ZFPM2: variants seen among roughly 807,000 people sequenced by gnomAD.
The protein encoded by ZFPM2 is zinc finger protein ZFPM2.
In ZFPM2, 20 loss-of-function variants were observed where a neutral mutation model predicts 98.6. The observed-to-expected ratio is 0.20, with a 90% CI of 0.14 to 0.29. ZFPM2 has a LOEUF of 0.29. Among genes scored for constraint, ZFPM2 ranks in the 10% least tolerant of loss-of-function variants. The pLI is 1.00. For synonymous variants in ZFPM2, 518 were observed against 502.7 expected (o/e 1.03, Z -0.41); for missense variants, 1,310 against 1,388.6 (o/e 0.94, Z 0.90).
intron 5 of ZFPM2, among the ~76,000 whole-genome samples, chr8:105,722,742 C>T (rs1017468469): frequency 8.6e-5 from 13 of 151,690 alleles, no homozygotes; most frequent in African/African-American, 2.4e-5. Flanking sequence ...CTTGCTGTCT[C>T]AGAGGTGGCA....
chr8:105,444,483 T>C, intron 3 of ZFPM2, 102 bp downstream of exon 3: 1 of 744,514 alleles, frequency 1.3e-6, no homozygotes, highest in Non-Finnish European at 2.2e-6. Context: ...AATGTTTTTG[T>C]GTGTGCTGGT....
At chr8:105,661,197 T>C (rs1347628093) in intron 5 of ZFPM2, among the ~76,000 whole-genome samples, 16 of 152,236 alleles carry the variant, frequency 1.1e-4, no homozygotes. Context: ...CCCAATTACA[T>C]GAGTTAAGAG....
Position 105,519,454 on chromosome 8 carries a change from G to GA in ZFPM2, c.302-41900dup, listed in dbSNP as rs202005352. ...GAAATGATCTCGTACCTGGGAAAAA[G>GA]AAAAAAAAATTGAGATAATCCTACA... On this transcript the variant is annotated intron_variant, in intron 3 of 7. Coordinates refer to ENST00000407775, the MANE Select transcript of ZFPM2 (RefSeq NM_012082.4). Among the ~76,000 whole-genome samples the GA allele has an allele frequency of 5.7e-3, 865 of 150,998 alleles. 2 individuals carry two copies. Among genetic ancestry groups the GA allele is most frequent in the African/African-American group, 0.012 (492 of 41,228 alleles).
chr8:105,470,937 T>C (rs1812890862), intron 3 of ZFPM2, among the ~76,000 whole-genome samples: 1 of 152,240 alleles, frequency 6.6e-6, no homozygotes, highest in African/African-American at 2.4e-5. Context: ...TTACTATTAA[T>C]ATTTCATATA....
Position 105,576,274 on chromosome 8 carries a change from AT to A in ZFPM2, c.420+14803del, listed in dbSNP as rs540354204. Among the ~76,000 whole-genome samples, 575 of 150,688 alleles carry A rather than the reference AT, an allele frequency of 3.8e-3. 3 individuals are homozygous for A. Among genetic ancestry groups the A allele is most frequent in the South Asian group, 0.013 (61 of 4,728 alleles). On this transcript the variant is annotated intron_variant, in intron 4 of 7. Transcript: ENST00000407775. ...CTTTAAGCTTATAGATGATGCTGAG[AT>A]TTTTTTTTTAACTATTCCTCCTACT...
intron 3 of ZFPM2, among the ~76,000 whole-genome samples, chr8:105,462,842 C>T (rs1386049007): frequency 6.6e-6 from 1 of 151,942 alleles, no homozygotes; most frequent in East Asian, 1.9e-4. Flanking sequence ...CCGTTTGTAT[C>T]TATGTTGTTC....
intron 1 of ZFPM2, among the ~76,000 whole-genome samples, chr8:105,353,609 C>G (rs1183455226): frequency 6.6e-6 from 1 of 152,134 alleles, no homozygotes; most frequent in South Asian, 2.1e-4. Context: ...GAACTGAATA[C>G]AGTGCTAGGC....
At chr8:105,383,740 G>C (rs184740238) in intron 1 of ZFPM2, among the ~76,000 whole-genome samples, 6 of 152,180 alleles carry the variant, frequency 3.9e-5, no homozygotes, top group Admixed American at 3.9e-4. Flanking sequence ...CTTGTTTACA[G>C]CTTAAAAAAT....
intron 2 of ZFPM2, among the ~76,000 whole-genome samples, chr8:105,425,448 G>T (rs1383401210): frequency 2.0e-5 from 3 of 152,290 alleles, no homozygotes; most frequent in Non-Finnish European, 4.4e-5. Context: ...CAGTTTGGGG[G>T]TGTCTGAGGA....
chr8:105,400,777 A>T (rs1811324448), intron 1 of ZFPM2, among the ~76,000 whole-genome samples: 6 of 152,028 alleles, frequency 3.9e-5, no homozygotes. Flanking sequence ...ATAGATATTT[A>T]AATATAAATT....
At chr8:105,700,025 A>G (rs1471548635) in intron 5 of ZFPM2, among the ~76,000 whole-genome samples, 1 of 152,220 alleles carries the variant, frequency 6.6e-6, no homozygotes, top group African/African-American at 2.4e-5. Context: ...ACTGTGTATA[A>G]TAAGGGCTTA....
chr8:105,511,316 G>A (rs1563692442), intron 3 of ZFPM2, among the ~76,000 whole-genome samples: 1 of 152,206 alleles, frequency 6.6e-6, no homozygotes, highest in African/African-American at 2.4e-5. Flanking sequence ...TGTCCACACT[G>A]AGAGGTAAAT....
Position 105,318,995 on chromosome 8 carries a change from C to A in ZFPM2, c.40+14C>A. The stretch of plus-strand genomic sequence containing the variant: ...GGCAGATCAAACGTAAGTTTGCGCG[C>A]GGGGCCGGGAGTTGGTGGGATTATT... On this transcript the variant is annotated intron_variant, in intron 1 of 7. Coordinates refer to ENST00000407775, the MANE Select transcript of ZFPM2 (RefSeq NM_012082.4). The A allele has an allele frequency of 6.7e-7, 1 of 1,491,698 alleles. No homozygotes were observed. Among genetic ancestry groups the A allele is most frequent in the Non-Finnish European group, 9.0e-7 (1 of 1,112,872 alleles). The allele number at this position is 1,491,698 out of a possible 1,614,324, so 92.4% of individuals were successfully genotyped here. A position where few individuals can be genotyped will look rare whatever the true frequency, so the allele number is the denominator to read the frequency against.
chr8:105,533,049 G>T (rs1454779318), intron 3 of ZFPM2, among the ~76,000 whole-genome samples: 2 of 152,032 alleles, frequency 1.3e-5, no homozygotes, highest in African/African-American at 4.8e-5. Context: ...TAACAAATCT[G>T]ATTCAAGTGT....
Position 105,646,132 on chromosome 8 carries a change from C to CAA in ZFPM2, c.532+11784_532+11785dup, listed in dbSNP as rs35017141. On this transcript the variant is annotated intron_variant, in intron 5 of 7. Coordinates refer to ENST00000407775, the MANE Select transcript of ZFPM2 (RefSeq NM_012082.4). ...CATGCTTCTCTATGGGACACGTGTT[C>CAA]AAAAAAAAAATAATAATGGTGGCAT... Among the ~76,000 whole-genome samples, 129 of 146,452 alleles carry CAA rather than the reference C, an allele frequency of 8.8e-4. 2 individuals carry two copies. The highest frequency in any genetic ancestry group is 3.5e-3 in the Middle Eastern group (1 of 282).
chr8:105,531,506 G>A (rs1814296766), intron 3 of ZFPM2, among the ~76,000 whole-genome samples: 1 of 152,026 alleles, frequency 6.6e-6, no homozygotes, highest in Admixed American at 6.6e-5. Flanking sequence ...TTGGATTAAG[G>A]TCCCTCCCTA....
chr8:105,697,143 A>ATC (rs1317274479), intron 5 of ZFPM2, among the ~76,000 whole-genome samples: 1 of 152,226 alleles, frequency 6.6e-6, no homozygotes, highest in Non-Finnish European at 1.5e-5. Flanking sequence ...AATTTAAAAG[A>ATC]TGCAGTCTTA....
At chr8:105,434,216 A>G (rs1390154070) in intron 2 of ZFPM2, among the ~76,000 whole-genome samples, 2 of 151,894 alleles carry the variant, frequency 1.3e-5, no homozygotes, top group Non-Finnish European at 2.9e-5. Flanking sequence ...AGGTATTGCC[A>G]TAAAGGGAAC....
At chr8:105,399,356 A>G (rs1368327069) in intron 1 of ZFPM2, among the ~76,000 whole-genome samples, 1 of 152,180 alleles carries the variant, frequency 6.6e-6, no homozygotes, top group Non-Finnish European at 1.5e-5. Context: ...AAATAGGGAC[A>G]CAAGAAGTAG....
Sources: allele counts gnomAD v4.1 joint callset (sites outside exome capture counted in the v4.1 genomes callset), GRCh38; gene constraint gnomAD v4.1.1; transcripts MANE v1.5; gene names NCBI Gene and HGNC (gene_info 2026-07-23, HGNC 2026-07-21).